RCOR1: variants seen among roughly 807,000 people sequenced by gnomAD.
RCOR1 encodes REST corepressor.
RCOR1 carries 12 observed loss-of-function variants against 64.0 expected under a neutral mutation model. That is an observed-to-expected ratio of 0.19 (90% confidence interval 0.12 to 0.30). The LOEUF is 0.30. Among genes scored for constraint, RCOR1 ranks in the 10% least tolerant of loss-of-function variants. RCOR1 has a pLI of 1.00. For missense variants in RCOR1, 502 were observed against 621.2 expected, an observed-to-expected ratio of 0.81 and a Z score of 2.04; for synonymous variants, 279 against 227.2, an observed-to-expected ratio of 1.23 and a Z score of -2.05.
chr14:102,644,688 T>C (rs1894443681), intron 2 of RCOR1, among the ~76,000 whole-genome samples: 1 of 152,230 alleles, frequency 6.6e-6, no homozygotes, highest in Non-Finnish European at 1.5e-5. Flanking sequence ...AGGAATCTGT[T>C]GCTTCCTCTG....
chr14:102,671,743 G>A (rs1895035941), intron 2 of RCOR1, among the ~76,000 whole-genome samples: 1 of 152,096 alleles, frequency 6.6e-6, no homozygotes, highest in Non-Finnish European at 1.5e-5. Flanking sequence ...AAAATTCAGT[G>A]GTTTTCGGTA....
intron 4 of RCOR1, among the ~76,000 whole-genome samples, chr14:102,705,084 T>A (rs926716544): frequency 2.6e-5 from 4 of 151,850 alleles, no homozygotes; most frequent in African/African-American, 9.7e-5. Flanking sequence ...CAAGATCATG[T>A]CATTGCACTC....
Position 102,704,194 on chromosome 14 carries a change from C to T in RCOR1, c.498+2864C>T, listed in dbSNP as rs1895804585. ...AGAAGCAAAGAGGGCCTGCTTGACC[C>T]CAGGACCCAATCCTGTACTCTTCTC... On this transcript the variant is annotated intron_variant, in intron 4 of 11. Coordinates refer to ENST00000262241, the MANE Select transcript of RCOR1 (RefSeq NM_015156.4). Among the ~76,000 whole-genome samples the T allele has an allele frequency of 2.0e-5, 3 of 152,170 alleles. No homozygotes were observed. The South Asian group carries it at 6.2e-4, about 32-fold the overall frequency.
At position 102,655,235 on chromosome 14, in the gene RCOR1, G is replaced by A. The variant is rs576976327; in HGVS notation, c.362-26660G>A. 5.3e-4 allele frequency: 520 copies of A among 983,198 alleles called. 2 individuals are homozygous for A. The highest frequency in any genetic ancestry group is 6.1e-4 in the Non-Finnish European group (505 of 829,410). 60.9% of individuals were successfully genotyped at this position (983,198 alleles called of 1,614,324 possible). Reference sequence around the variant, plus strand: ...TGCACAAGAGAAGTACATTTCTTAGGCATTCCTGGCCTTCCATTTTCCCTT... The same window carrying A: ...TGCACAAGAGAAGTACATTTCTTAGACATTCCTGGCCTTCCATTTTCCCTT... On this transcript the variant is annotated intron_variant, in intron 2 of 11. Transcript: ENST00000262241.
chr14:102,722,362 G>A lies in RCOR1; in HGVS notation c.1365G>A (p.Gln455=). The A allele has an allele frequency of 6.2e-7, 1 of 1,614,140 alleles. No individual in the cohort carries two copies. Among genetic ancestry groups the A allele is most frequent in the Non-Finnish European group, 8.5e-7 (1 of 1,180,036 alleles). The stretch of plus-strand genomic sequence containing the variant: ...AAGAGACCAATGGGCCCAGTAACCA[G>A]AAGCCTGTGAAGTCCCCAGATAATT... The part of the protein sequence containing the change: ...GKEETNGPSN[Q]KPVKSPDNSI... The change falls in exon 11 of 12, where the codon CAG becomes CAA. Residue 455 remains glutamine, a synonymous_variant. Coordinates refer to ENST00000262241, the MANE Select transcript of RCOR1 (RefSeq NM_015156.4).
intron 4 of RCOR1, among the ~76,000 whole-genome samples, chr14:102,706,114 C>CAAAAAAAAAAAAAAA (rs71119732): frequency 5.2e-4 from 11 of 21,336 alleles, no homozygotes; most frequent in African/African-American, 1.5e-3. Flanking sequence ...AACCCTGTCT[C>CAAAAAAAAAAAAAAA]AAAAAAAAAA....
intron 2 of RCOR1, among the ~76,000 whole-genome samples, chr14:102,621,139 T>C (rs543245784): frequency 6.6e-6 from 1 of 152,272 alleles, no homozygotes. Context: ...CCAGCTAGTT[T>C]TTTAGAATTT....
chr14:102,653,940 T>C (rs1894651034), intron 2 of RCOR1, among the ~76,000 whole-genome samples: 1 of 37,286 alleles, frequency 2.7e-5, no homozygotes, highest in Non-Finnish European at 5.0e-5. Context: ...TCTTTCTTTC[T>C]TTCTTTCTTT....
intron 2 of RCOR1, among the ~76,000 whole-genome samples, chr14:102,641,938 A>G (rs1894378259): frequency 6.6e-6 from 1 of 152,160 alleles, no homozygotes; most frequent in Admixed American, 6.6e-5. Flanking sequence ...TAGGGAAATC[A>G]TGGGAATTTG....
intron 5 of RCOR1, 66 bp downstream of exon 5, chr14:102,707,578 TGAGATA>T: frequency 1.6e-6 from 2 of 1,287,628 alleles, no homozygotes; most frequent in Non-Finnish European, 2.2e-6. Flanking sequence ...GCAGCATACT[TGAGATA>T]GGGATATCAT....
chr14:102,720,973 A>T (rs775655056), intron 8 of RCOR1, 34 bp from the exon 9 acceptor site: 2 of 1,218,896 alleles, frequency 1.6e-6, no homozygotes, highest in East Asian at 2.4e-5. Context: ...TATAGTTTTT[A>T]TTTTTAAAAT....
intron 3 of RCOR1, among the ~76,000 whole-genome samples, chr14:102,683,456 G>C (rs1402339580): frequency 1.3e-5 from 2 of 152,250 alleles, no homozygotes; most frequent in African/African-American, 4.8e-5. Context: ...CAGAATTGGA[G>C]AGGTGGAGCA....
intron 2 of RCOR1, among the ~76,000 whole-genome samples, chr14:102,678,252 C>T (rs1421696877): frequency 1.3e-5 from 2 of 148,334 alleles, no homozygotes; most frequent in African/African-American, 2.5e-5. Context: ...AGCTGTTTCA[C>T]AGTTTTTGAT....
At chr14:102,692,738 TTCC>T in intron 3 of RCOR1, among the ~76,000 whole-genome samples, 1 of 144,820 alleles carries the variant, frequency 6.9e-6, no homozygotes, top group African/African-American at 2.6e-5. Context: ...CCTTCCTTCC[TTCC>T]TTCCTTCCTT....
intron 3 of RCOR1, among the ~76,000 whole-genome samples, chr14:102,693,999 A>G (rs953353741): frequency 2.6e-5 from 4 of 152,026 alleles, no homozygotes; most frequent in East Asian, 1.9e-4. Context: ...CATCTGGCCA[A>G]TCTTTTGTTT....
At chr14:102,692,772 T>C (rs867953489) in intron 3 of RCOR1, among the ~76,000 whole-genome samples, 107 of 136,428 alleles carry the variant, frequency 7.8e-4, no homozygotes, top group African/African-American at 2.3e-3. Flanking sequence ...CTTTTTCTTT[T>C]TTTTTTTTTT....
chr14:102,675,422 T>C (rs1895124622), intron 2 of RCOR1, among the ~76,000 whole-genome samples: 1 of 152,130 alleles, frequency 6.6e-6, no homozygotes, highest in South Asian at 2.1e-4. Context: ...AATAATAAAA[T>C]GAACAATTAT....
intron 6 of RCOR1, 21 bp downstream of exon 6, chr14:102,708,604 T>C (rs1595240748): frequency 7.3e-7 from 1 of 1,364,994 alleles, no homozygotes; most frequent in Non-Finnish European, 1.0e-6. Context: ...GGCTGGGGTG[T>C]TGTCTAACCA....
At position 102,606,714 on chromosome 14, in the gene RCOR1, C is replaced by T. The variant is rs148598164; in HGVS notation, c.361+13389C>T. 8.7e-3 allele frequency among the ~76,000 whole-genome samples: 1,305 copies of T among 149,304 alleles called. 22 individuals are homozygous for T. Among genetic ancestry groups the T allele is most frequent in the African/African-American group, 0.031 (1,235 of 40,334 alleles). On this transcript the variant is annotated intron_variant, in intron 2 of 11. Coordinates refer to ENST00000262241, the MANE Select transcript of RCOR1 (RefSeq NM_015156.4). The stretch of plus-strand genomic sequence containing the variant: ...TGGCGGGAACATGGCCCACTGCATG[C>T]AGCCTTGACTTCTTGGGCACCAGTG...
Sources: allele counts gnomAD v4.1 joint callset (sites outside exome capture counted in the v4.1 genomes callset), GRCh38; gene constraint gnomAD v4.1.1; transcripts MANE v1.5; gene names NCBI Gene and HGNC (gene_info 2026-07-23, HGNC 2026-07-21).